MAPK8IP3: variants seen among roughly 807,000 people sequenced by gnomAD.
MAPK8IP3 encodes the protein C-Jun-amino-terminal kinase-interacting protein 3.
A neutral mutation model predicts 157.8 loss-of-function variants in MAPK8IP3; 49 were observed. That is an observed-to-expected ratio of 0.31 (90% CI 0.25 to 0.39). The LOEUF is 0.39. MAPK8IP3 is among the 10% of genes least tolerant of loss of function. The pLI is 1.00. For missense variants in MAPK8IP3, 1,478 were observed against 1,889.4 expected, an observed-to-expected ratio of 0.78 and a Z score of 4.04; for synonymous variants, 897 against 777.7, an observed-to-expected ratio of 1.15 and a Z score of -2.55.
At chr16:1,723,736 T>A (rs2038688908) in intron 1 of MAPK8IP3, among the ~76,000 whole-genome samples, 1 of 152,312 alleles carries the variant, frequency 6.6e-6, no homozygotes, top group Middle Eastern at 3.4e-3. Flanking sequence ...TGTTAACAGC[T>A]CCCTCTCTGG....
rs1372169099 is a variant in MAPK8IP3, at chr16:1,724,208, G to T, written c.319-349G>T. 6.6e-6 allele frequency among the ~76,000 whole-genome samples: 1 copy of T among 152,260 alleles called. No individual in the cohort carries two copies. Among genetic ancestry groups the T allele is most frequent in the Non-Finnish European group, 1.5e-5 (1 of 68,042 alleles). ...AGCCAAGCCAAGCATTGGGCCTTCT[G>T]AGTGCAGGGCCCCGCATTGCTGCCC... On this transcript the variant is annotated intron_variant, in intron 1 of 31. Coordinates refer to ENST00000610761, the MANE Select transcript of MAPK8IP3 (RefSeq NM_001318852.2). This position sits in a 1 kb window ranked among gnomAD's most constrained non-coding sequence, Gnocchi z 4.1.
intron 4 of MAPK8IP3, among the ~76,000 whole-genome samples, chr16:1,740,700 G>A (rs142532888): frequency 3.3e-5 from 5 of 152,334 alleles, no homozygotes; most frequent in Admixed American, 2.0e-4. Flanking sequence ...TGCAGTCCTC[G>A]TCAGTCGTGG....
chr16:1,737,514 C>G lies in MAPK8IP3; in HGVS notation c.603-5818C>G, dbSNP rs143836559. Among the ~76,000 whole-genome samples the G allele has an allele frequency of 8.1e-3, 498 of 61,200 alleles. 80 individuals carry two copies. In the East Asian group the frequency reaches 0.18, roughly 23 times the overall value. 40.1% of individuals were successfully genotyped at this position (61,200 alleles called of 152,430 possible). A position where few individuals can be genotyped will look rare whatever the true frequency, so the allele number is the denominator to read the frequency against. ...TGTGAGCGTCCGTGTGAGCGTGTGA[C>G]CGTCCGTGTGAGTGTGTGACCATTC... On this transcript the variant is annotated intron_variant, in intron 4 of 31. Transcript: ENST00000610761.
Position 1,714,145 on chromosome 16 carries a change from A to G in MAPK8IP3, c.318+7488A>G, listed in dbSNP as rs2037977466. 2.0e-5 allele frequency: 3 copies of G among 152,306 alleles called. No individual in the cohort carries two copies. In the South Asian group the frequency reaches 6.2e-4, roughly 32 times the overall value. The allele number at this position is 152,306 out of a possible 1,614,324, so 9.4% of individuals were successfully genotyped here. On this transcript the variant is annotated intron_variant, in intron 1 of 31. Transcript: ENST00000610761. ...CCCAGGCTGTGTGTGTCCTTCCCCC[A>G]TGGCCAAGCAGGGTCCCAGCAGTGC... is the stretch of plus-strand genomic sequence containing the variant.
At chr16:1,767,497 C>T in intron 26 of MAPK8IP3, 67 bp from the exon 27 acceptor site, 2 of 1,564,496 alleles carry the variant, frequency 1.3e-6, no homozygotes, top group Non-Finnish European at 1.7e-6. Context: ...GGAGCTGTGG[C>T]AGGTTTGGGG....
intron 16 of MAPK8IP3, among the ~76,000 whole-genome samples, 171 bp from the exon 17 acceptor site, chr16:1,763,486 G>A (rs1370903613): frequency 6.6e-6 from 1 of 151,942 alleles, no homozygotes; most frequent in Non-Finnish European, 1.5e-5. Context: ...TCCCAGCTGG[G>A]CACCCAGTGC....
intron 20 of MAPK8IP3, 62 bp from the exon 21 acceptor site, chr16:1,765,898 T>C (rs1285751487): frequency 4.1e-6 from 6 of 1,464,538 alleles, no homozygotes; most frequent in Non-Finnish European, 5.6e-6. Context: ...GTGTAAGTGC[T>C]GGGCACGCCC....
intron 1 of MAPK8IP3, among the ~76,000 whole-genome samples, chr16:1,715,109 C>G (rs1295550563): frequency 2.6e-5 from 4 of 152,038 alleles, no homozygotes; most frequent in Admixed American, 1.3e-4. Flanking sequence ...CTTACCCATT[C>G]TTGAAATCAG....
Position 1,766,646 on chromosome 16 carries a change from C to A in MAPK8IP3, c.2937C>A (p.Gly979=). The A allele has an allele frequency of 6.2e-7, 1 of 1,612,378 alleles. No homozygotes were observed. The highest frequency in any genetic ancestry group is 8.5e-7 in the Non-Finnish European group (1 of 1,179,814). The change falls in exon 23 of 32, where the codon GGC becomes GGA. Residue 979 remains glycine, a splice_region_variant and synonymous_variant. Coordinates refer to ENST00000610761, the MANE Select transcript of MAPK8IP3 (RefSeq NM_001318852.2). The part of the protein sequence containing the change: ...APTMWLGAQN[G]WLYVHSAVAN... Reference sequence around the variant, plus strand: ...CCATGTGGCTGGGAGCCCAGAACGGCTGGTAGGAAGGGCCCGGGGCAAGGT... The same window carrying A: ...CCATGTGGCTGGGAGCCCAGAACGGATGGTAGGAAGGGCCCGGGGCAAGGT...
chr16:1,707,086 G>A (rs2037451318), intron 1 of MAPK8IP3, among the ~76,000 whole-genome samples: 1 of 151,858 alleles, frequency 6.6e-6, no homozygotes, highest in East Asian at 1.9e-4. Context: ...AATTGCCTTT[G>A]CTTTCGTGCG....
chr16:1,753,281 TGTTC>T (rs2041398996), intron 8 of MAPK8IP3, among the ~76,000 whole-genome samples: 1 of 152,152 alleles, frequency 6.6e-6, no homozygotes, highest in Non-Finnish European at 1.5e-5. Context: ...CTTTTTTGTT[TGTTC>T]GTTCGTTTGT....
chr16:1,708,370 C>T (rs1028102973), intron 1 of MAPK8IP3, among the ~76,000 whole-genome samples: 5 of 152,366 alleles, frequency 3.3e-5, no homozygotes, highest in Middle Eastern at 3.4e-3. Context: ...TGCTGGGCAC[C>T]GCCCTCCACT....
Position 1,768,460 on chromosome 16 carries a change from C to G in MAPK8IP3, c.3743-17C>G. The G allele has an allele frequency of 6.3e-7, 1 of 1,580,092 alleles. No homozygotes were observed. The highest frequency in any genetic ancestry group is 8.6e-7 in the Non-Finnish European group (1 of 1,169,210). On this transcript the variant is annotated splice_polypyrimidine_tract_variant and intron_variant, in intron 30 of 31. Coordinates refer to ENST00000610761, the MANE Select transcript of MAPK8IP3 (RefSeq NM_001318852.2). ...CCCCCAGGAGGCCGCTGTCCTGAAT[C>G]GCTTCTGCCATCCCAGGGAACGTGC...
chr16:1,726,164 G>T (rs181022887), intron 2 of MAPK8IP3, among the ~76,000 whole-genome samples: 2 of 152,338 alleles, frequency 1.3e-5, no homozygotes, highest in Admixed American at 1.3e-4. Context: ...ACCTGCTGAC[G>T]AGTCTGGGGG....
chr16:1,715,251 C>G (rs962531154), intron 1 of MAPK8IP3, among the ~76,000 whole-genome samples: 1 of 152,106 alleles, frequency 6.6e-6, no homozygotes, highest in Non-Finnish European at 1.5e-5. Context: ...TCTCTCAGCC[C>G]CACACGTAAT....
chr16:1,739,718 G>C (rs1272763276), intron 4 of MAPK8IP3, among the ~76,000 whole-genome samples: 1 of 138,354 alleles, frequency 7.2e-6, no homozygotes, highest in Non-Finnish European at 1.5e-5. Flanking sequence ...GTCCGTGTGA[G>C]CATCTGTGTG....
Position 1,761,269 on chromosome 16 carries a change from G to C in MAPK8IP3, c.1503G>C (p.Glu501Asp). 6.2e-7 allele frequency: 1 copy of C among 1,613,798 alleles called. No homozygotes were observed. Among genetic ancestry groups the C allele is most frequent in the East Asian group, 2.2e-5 (1 of 44,884 alleles). Reference protein sequence around the residue: ...AIIARREPKEEAEDVSSYLCT... With the variant: ...AIIARREPKEDAEDVSSYLCT... ...TCGCCCGCCGTGAACCCAAAGAAGA[G>C]GCGGAGGATGTAAGCAGCTATCTCT... Residue 501 changes from glutamate (E) to aspartate (D), a missense_variant, in exon 13 of 32, where the codon GAG becomes GAC. Physicochemically the swap from Glu to Asp is conservative, Grantham distance 45. Coordinates refer to ENST00000610761, the MANE Select transcript of MAPK8IP3 (RefSeq NM_001318852.2).
chr16:1,750,013 G>T (rs778007283), intron 8 of MAPK8IP3, among the ~76,000 whole-genome samples: 2 of 152,188 alleles, frequency 1.3e-5, no homozygotes, highest in Non-Finnish European at 2.9e-5. Flanking sequence ...AAGATGGAAT[G>T]CTCCCCGAGA....
chr16:1,754,549 G>A (rs557398015), intron 8 of MAPK8IP3, among the ~76,000 whole-genome samples: 20 of 152,214 alleles, frequency 1.3e-4, no homozygotes, highest in East Asian at 9.7e-4. Context: ...CAGGGTGGGC[G>A]GATCACAAGG....
Sources: gnomAD v4.1 joint callset for allele counts (sites outside exome capture counted in the v4.1 genomes callset) on GRCh38, gnomAD v4.1.1 for gene constraint, Gnocchi (gnomAD v3.1) non-coding constraint, MANE v1.5 for transcripts, NCBI Gene and HGNC (gene_info 2026-07-23, HGNC 2026-07-21) for gene names.